STIM2: variants seen among roughly 807,000 people sequenced by gnomAD.
STIM2 encodes stromal interaction molecule 2.
In STIM2, 31 loss-of-function variants were observed where a neutral mutation model predicts 85.8. The ratio of observed to expected loss-of-function variants is 0.36; its 90% CI spans 0.27 to 0.49. The LOEUF is 0.49. STIM2 is among the 20% of genes least tolerant of loss of function. STIM2 has a pLI of 0.98. For missense variants in STIM2, 841 were observed against 927.6 expected (o/e 0.91, Z 1.21); for synonymous variants, 356 against 331.1 (o/e 1.08, Z -0.82).
intron 2 of STIM2, among the ~76,000 whole-genome samples, chr4:26,921,662 A>T (rs1415578228): frequency 6.6e-6 from 1 of 152,128 alleles, no homozygotes; most frequent in Non-Finnish European, 1.5e-5. Context: ...TCCTTTCCCC[A>T]CTACCTTTTA....
At chr4:26,963,673 C>T (rs542201080) in intron 3 of STIM2, among the ~76,000 whole-genome samples, 2 of 152,198 alleles carry the variant, frequency 1.3e-5, no homozygotes, top group African/African-American at 2.4e-5. Context: ...ATAAATGACA[C>T]GATTGCAGGA....
intron 3 of STIM2, among the ~76,000 whole-genome samples, chr4:26,966,907 G>A (rs1383148328): frequency 6.6e-6 from 1 of 152,054 alleles, no homozygotes; most frequent in African/African-American, 2.4e-5. Flanking sequence ...ATATTTTAAA[G>A]ATAAGAACCT....
chr4:26,936,110 T>C (rs1241485159), intron 2 of STIM2, among the ~76,000 whole-genome samples: 2 of 152,210 alleles, frequency 1.3e-5, no homozygotes, highest in Non-Finnish European at 2.9e-5. Flanking sequence ...CCTAGATGGT[T>C]AAGAATCATT....
intron 3 of STIM2, among the ~76,000 whole-genome samples, chr4:26,991,941 T>C (rs558219159): frequency 6.6e-6 from 1 of 152,058 alleles, no homozygotes; most frequent in Non-Finnish European, 1.5e-5. Context: ...GCTCTGCAGA[T>C]TGGGAAAGAT....
At chr4:26,869,075 A>G (rs1259906874) in intron 1 of STIM2, among the ~76,000 whole-genome samples, 1 of 152,106 alleles carries the variant, frequency 6.6e-6, no homozygotes, top group Non-Finnish European at 1.5e-5. Context: ...TGGGCAGATC[A>G]CTTGAGCCCA....
At chr4:26,994,363 AG>A in intron 3 of STIM2, among the ~76,000 whole-genome samples, 1 of 152,156 alleles carries the variant, frequency 6.6e-6, no homozygotes, top group South Asian at 2.1e-4. Context: ...TTTAGCTACC[AG>A]CCCCTGTCCA....
chr4:26,981,548 A>G (rs1433030517), intron 3 of STIM2, among the ~76,000 whole-genome samples: 1 of 152,154 alleles, frequency 6.6e-6, no homozygotes, highest in East Asian at 1.9e-4. Context: ...CTGTGTCTAG[A>G]TACCCTCCGC....
intron 3 of STIM2, among the ~76,000 whole-genome samples, chr4:26,976,842 C>T (rs1173674403): frequency 1.3e-5 from 2 of 152,114 alleles, no homozygotes; most frequent in African/African-American, 4.8e-5. Context: ...TGAGACAGGA[C>T]AGGCATTATT....
chr4:26,956,288 G>A (rs1224105008), intron 2 of STIM2, among the ~76,000 whole-genome samples: 1 of 152,130 alleles, frequency 6.6e-6, no homozygotes, highest in Non-Finnish European at 1.5e-5. Flanking sequence ...TATGAGCAAA[G>A]TATCAAGAGA....
At chr4:26,948,709 C>T (rs1725937194) in intron 2 of STIM2, among the ~76,000 whole-genome samples, 1 of 152,120 alleles carries the variant, frequency 6.6e-6, no homozygotes, top group East Asian at 1.9e-4. Context: ...CTAAAAGAGG[C>T]AGCCTTCAGT....
intron 1 of STIM2, among the ~76,000 whole-genome samples, chr4:26,894,078 G>A (rs1723604850): frequency 1.3e-5 from 2 of 152,086 alleles, no homozygotes; most frequent in African/African-American, 4.8e-5. Context: ...CAGTAAAAAT[G>A]GGGTTTCACC....
At chr4:26,980,824 T>G (rs1727358192) in intron 3 of STIM2, among the ~76,000 whole-genome samples, 1 of 152,224 alleles carries the variant, frequency 6.6e-6, no homozygotes, top group East Asian at 1.9e-4. Flanking sequence ...TATAGTGCTT[T>G]ATTAATTTTT....
At chr4:26,987,751 G>A (rs1727633739) in intron 3 of STIM2, among the ~76,000 whole-genome samples, 1 of 152,224 alleles carries the variant, frequency 6.6e-6, no homozygotes, top group Non-Finnish European at 1.5e-5. Flanking sequence ...TATACTTGAT[G>A]TCTCTAGGAG....
intron 1 of STIM2, among the ~76,000 whole-genome samples, chr4:26,883,004 A>ATTTT (rs140871540): frequency 7.2e-6 from 1 of 139,290 alleles, no homozygotes; most frequent in African/African-American, 2.7e-5. Context: ...TACCTGGCTA[A>ATTTT]TTTTTTTTTT....
chr4:26,918,224 T>C (rs1332093853), intron 1 of STIM2, among the ~76,000 whole-genome samples: 2 of 151,400 alleles, frequency 1.3e-5, no homozygotes, highest in Non-Finnish European at 3.0e-5. Context: ...TAATATCAGT[T>C]TGACTTTTTT....
Position 26,952,248 on chromosome 4 carries a change from T to C in STIM2, c.283-5364T>C, listed in dbSNP as rs577873988. ...GAATGTCTTAATAGTAACCTCTATC[T>C]CTATACAAATTACGGTGTCTTGGGT... On this transcript the variant is annotated intron_variant, in intron 2 of 11. Coordinates refer to ENST00000467087, the MANE Select transcript of STIM2 (RefSeq NM_020860.4). Among the ~76,000 whole-genome samples, 3 of 152,234 alleles carry C rather than the reference T, an allele frequency of 2.0e-5. No individual in the cohort carries two copies. The East Asian group carries it at 5.8e-4, about 29-fold the overall frequency.
chr4:27,020,799 G>C (rs766239627), intron 11 of STIM2, among the ~76,000 whole-genome samples: 5 of 152,144 alleles, frequency 3.3e-5, no homozygotes, highest in African/African-American at 7.2e-5. Context: ...TATGAGAGGT[G>C]CATTTGCCTA....
At chr4:26,959,176 G>A (rs928890378) in intron 3 of STIM2, among the ~76,000 whole-genome samples, 15 of 152,100 alleles carry the variant, frequency 9.9e-5, no homozygotes, top group Non-Finnish European at 1.6e-4. Flanking sequence ...ACAAAGACCC[G>A]TAAGCCTCTA....
At chr4:26,994,466 G>C (rs567728191) in intron 3 of STIM2, among the ~76,000 whole-genome samples, 1 of 152,146 alleles carries the variant, frequency 6.6e-6, no homozygotes, top group East Asian at 1.9e-4. Context: ...CATAGTCTAA[G>C]ATGATGACCC....
Sources: gnomAD v4.1 joint callset for allele counts (sites outside exome capture counted in the v4.1 genomes callset) on GRCh38, gnomAD v4.1.1 for gene constraint, MANE v1.5 for transcripts, NCBI Gene and HGNC (gene_info 2026-07-23, HGNC 2026-07-21) for gene names.